Variants in STARD3NL observed in about 807,000 individuals in gnomAD.
The protein encoded by STARD3NL is STARD3 N-terminal like.
A neutral mutation model predicts 30.9 loss-of-function variants in STARD3NL; 17 were observed. The observed-to-expected ratio is 0.55, with a 90% confidence interval of 0.38 to 0.82. The LOEUF (loss-of-function observed/expected upper bound fraction) is 0.82, where lower values mean the gene tolerates loss of function less well. Ranked by LOEUF, STARD3NL falls within the 40% of genes least tolerant of loss-of-function variation. STARD3NL has a pLI of 0.00. For synonymous variants in STARD3NL, 112 were observed against 100.5 expected, an observed-to-expected ratio of 1.11 and a Z score of -0.69; for missense variants, 234 against 277.6, an observed-to-expected ratio of 0.84 and a Z score of 1.12.
chr7:38,219,475 A>G, intron 6 of STARD3NL, 90 bp from the exon 7 acceptor site: 2 of 845,258 alleles, frequency 2.4e-6, no homozygotes, highest in East Asian at 2.5e-5. Context: ...TTTCATTGTA[A>G]TAATAATACC....
At chr7:38,220,431 G>T (rs557654893) in intron 7 of STARD3NL, among the ~76,000 whole-genome samples, 1 of 152,098 alleles carries the variant, frequency 6.6e-6, no homozygotes, top group African/African-American at 2.4e-5. Flanking sequence ...ACAAGATACC[G>T]CTTCATACCG....
At position 38,230,208 on chromosome 7, in the gene STARD3NL, A is replaced by G. The variant is rs1420700754; in HGVS notation, c.*303A>G. 1 of 152,676 alleles carries G rather than the reference A, an allele frequency of 6.5e-6. No individual in the cohort carries two copies. Among genetic ancestry groups the G allele is most frequent in the Non-Finnish European group, 1.5e-5 (1 of 68,042 alleles). 9.5% of individuals were successfully genotyped at this position (152,676 alleles called of 1,614,324 possible). On this transcript the variant is annotated 3_prime_UTR_variant, in exon 9 of 9. Coordinates refer to ENST00000009041, the MANE Select transcript of STARD3NL (RefSeq NM_032016.4). ...AAGTCTTGTGCTGTATTCCTAATCA[A>G]AAGACTTAATATATTGAAGTAACAC...
rs989499113 is a variant in STARD3NL, at chr7:38,229,327, T to C, written c.*17+456T>C. 2.6e-5 allele frequency among the ~76,000 whole-genome samples: 4 copies of C among 152,234 alleles called. No individual in the cohort carries two copies. The South Asian group carries it at 8.3e-4, about 32-fold the overall frequency. On this transcript the variant is annotated intron_variant, in intron 8 of 8. Transcript: ENST00000009041. ...GCAGCGCTGGGGCTCAGGCCCACAC[T>C]TTCTGGTACCAGGTCCACTGCAGCC...
intron 4 of STARD3NL, chr7:38,216,223 G>C (rs187729763): frequency 3.9e-5 from 6 of 152,306 alleles, no homozygotes; most frequent in Admixed American, 2.6e-4. Context: ...TATTCAGTGA[G>C]AGCTGTAAGA....
chr7:38,180,370 T>C (rs1371087128), intron 1 of STARD3NL, among the ~76,000 whole-genome samples: 1 of 152,244 alleles, frequency 6.6e-6, no homozygotes, highest in Non-Finnish European at 1.5e-5. Flanking sequence ...CTCTTTCTTA[T>C]TACCTGTACC....
chr7:38,193,325 G>A (rs765704045), intron 1 of STARD3NL, among the ~76,000 whole-genome samples: 3 of 152,022 alleles, frequency 2.0e-5, no homozygotes, highest in Non-Finnish European at 4.4e-5. Flanking sequence ...TTGAGATGGA[G>A]TCTCGCTCTG....
chr7:38,190,764 T>C (rs1784654016), intron 1 of STARD3NL, among the ~76,000 whole-genome samples: 1 of 152,208 alleles, frequency 6.6e-6, no homozygotes, highest in African/African-American at 2.4e-5. Context: ...ATTTGAAGAG[T>C]ATTCACACCA....
At chr7:38,222,435 T>C (rs1288485527) in intron 7 of STARD3NL, among the ~76,000 whole-genome samples, 1 of 152,230 alleles carries the variant, frequency 6.6e-6, no homozygotes, top group Non-Finnish European at 1.5e-5. Flanking sequence ...TCATAAGGAT[T>C]ATTTCATTGA....
chr7:38,230,088 A>G lies in STARD3NL; in HGVS notation c.*183A>G, dbSNP rs1029812851. On this transcript the variant is annotated 3_prime_UTR_variant, in exon 9 of 9. Transcript: ENST00000009041. ...CACAGACGTTGTACCATATCCATGC[A>G]CATTTAGTTGCCTGCCTGTGGCTGG... 6.6e-6 allele frequency: 1 copy of G among 152,642 alleles called. No homozygotes were observed. Among genetic ancestry groups the G allele is most frequent in the African/African-American group, 2.4e-5 (1 of 41,444 alleles). The allele number at this position is 152,642 out of a possible 1,614,324, so 9.5% of individuals were successfully genotyped here.
intron 1 of STARD3NL, among the ~76,000 whole-genome samples, chr7:38,178,734 G>A (rs1201442907): frequency 6.6e-6 from 1 of 152,200 alleles, no homozygotes; most frequent in Non-Finnish European, 1.5e-5. Context: ...GGAGTCCCCG[G>A]TGGGGTCGGC....
chr7:38,224,887 A>C (rs1303305649), intron 7 of STARD3NL, among the ~76,000 whole-genome samples: 1 of 152,204 alleles, frequency 6.6e-6, no homozygotes, highest in Non-Finnish European at 1.5e-5. Flanking sequence ...AAACTTTTTC[A>C]TAGGTATGTA....
chr7:38,192,215 C>T (rs1056163024), intron 1 of STARD3NL, among the ~76,000 whole-genome samples: 25 of 152,204 alleles, frequency 1.6e-4, no homozygotes, highest in African/African-American at 5.5e-4. Flanking sequence ...TCCCACTCCC[C>T]TGGATTGAAG....
intron 1 of STARD3NL, among the ~76,000 whole-genome samples, chr7:38,199,011 T>C (rs1015005238): frequency 2.6e-5 from 4 of 152,218 alleles, no homozygotes; most frequent in Non-Finnish European, 5.9e-5. Context: ...TGACTGATAA[T>C]GTAGTATAGA....
chr7:38,200,972 A>G (rs1172409482), intron 1 of STARD3NL, among the ~76,000 whole-genome samples: 4 of 152,166 alleles, frequency 2.6e-5, no homozygotes, highest in Non-Finnish European at 5.9e-5. Flanking sequence ...CTTCTTCTCT[A>G]ATTTTTCTGT....
intron 1 of STARD3NL, among the ~76,000 whole-genome samples, chr7:38,190,621 C>T (rs1784646350): frequency 6.6e-6 from 1 of 152,136 alleles, no homozygotes; most frequent in African/African-American, 2.4e-5. Context: ...AGAATAAGGG[C>T]ACTCTCCTGC....
At position 38,217,284 on chromosome 7, in the gene STARD3NL, C is replaced by T; in HGVS notation, c.532C>T (p.Gln178Ter). The change falls in exon 6 of 9, where the codon CAA becomes TAA. Residue 178 changes from glutamine (Q) to a stop codon, truncating the protein, a stop_gained. Transcript: ENST00000009041. LOFTEE classifies it high-confidence loss of function. Reference protein sequence around the residue: ...TWFLDFKVLPQEAEEENRLLI... With the variant: ...TWFLDFKVLP ...GTTCCTGGATTTCAAAGTGTTACCT[C>T]AAGAAGCAGAAGAAGAAAACAGTAA... is the stretch of plus-strand genomic sequence containing the variant. 1 of 1,613,952 alleles carries T rather than the reference C, an allele frequency of 6.2e-7. No homozygotes were observed. Among genetic ancestry groups the T allele is most frequent in the Non-Finnish European group, 8.5e-7 (1 of 1,179,936 alleles).
At position 38,228,827 on chromosome 7, in the gene STARD3NL, C is replaced by T; in HGVS notation, c.678C>T (p.Asp226=). ...CTGAAGAAGCTGAAGAAAAACAGGA[C>T]AGTGAGAAACCACTTTTAGAACTAT... ...AGSEEAEEKQ[D]SEKPLLEL is the part of the protein sequence containing the mutation. The change falls in exon 8 of 9, where the codon GAC becomes GAT. Residue 226 remains aspartate (D), a synonymous_variant. Coordinates refer to ENST00000009041, the MANE Select transcript of STARD3NL (RefSeq NM_032016.4). 1 of 1,612,876 alleles carries T rather than the reference C, an allele frequency of 6.2e-7. No homozygotes were observed.
intron 1 of STARD3NL, among the ~76,000 whole-genome samples, chr7:38,188,652 C>T (rs759494044): frequency 6.6e-6 from 1 of 152,140 alleles, no homozygotes; most frequent in Non-Finnish European, 1.5e-5. Context: ...TTATGAAGTG[C>T]GGTTCTTAAA....
At chr7:38,226,103 T>C (rs1786743440) in intron 7 of STARD3NL, among the ~76,000 whole-genome samples, 1 of 151,984 alleles carries the variant, frequency 6.6e-6, no homozygotes, top group South Asian at 2.1e-4. Context: ...GTTTTGACTG[T>C]CATTTTTTCC....
Sources: gnomAD v4.1 joint callset for allele counts (sites outside exome capture counted in the v4.1 genomes callset) on GRCh38, gnomAD v4.1.1 for gene constraint, MANE v1.5 for transcripts, NCBI Gene and HGNC (gene_info 2026-07-23, HGNC 2026-07-21) for gene names.